The following CEP63 variants were observed in gnomAD, a reference collection of about 807,000 sequenced individuals.
CEP63 encodes centrosomal protein 63.
CEP63 carries 84 observed loss-of-function variants against 89.1 expected under a neutral mutation model. That is an observed-to-expected ratio of 0.94 (90% confidence interval 0.79 to 1.13). The LOEUF is 1.13. Among genes scored for constraint, CEP63 ranks in the 50% most tolerant of loss-of-function variants. The probability of loss-of-function intolerance (pLI) is 0.00; values close to 1 mark genes in which losing one functional copy is unlikely to be tolerated. For missense variants in CEP63, 838 were observed against 813.3 expected (o/e 1.03, Z -0.37); for synonymous variants, 267 against 272.5 (o/e 0.98, Z 0.20).
At chr3:134,774,614 T>C in the CEP63 span, among the ~76,000 whole-genome samples, 1 of 152,186 alleles carries the variant, frequency 6.6e-6, no homozygotes, top group Non-Finnish European at 1.5e-5. Context: ...GCAAAGTAAA[T>C]ATCTCAATCA....
the CEP63 span, chr3:134,651,517 C>T: frequency 1.0e-6 from 1 of 995,398 alleles, no homozygotes; most frequent in Non-Finnish European, 1.2e-6. Flanking sequence ...CAGAGATTGT[C>T]CAAGTTTTGG....
chr3:134,770,719 C>CTA, the CEP63 span, among the ~76,000 whole-genome samples: 1 of 152,142 alleles, frequency 6.6e-6, no homozygotes, highest in African/African-American at 2.4e-5. Flanking sequence ...CTTGATCTCC[C>CTA]TACTCACAGT....
At chr3:134,595,698 C>T in the CEP63 span, among the ~76,000 whole-genome samples, 8 of 152,116 alleles carry the variant, frequency 5.3e-5, no homozygotes, top group African/African-American at 1.7e-4. Flanking sequence ...TCTAGGTGGC[C>T]TTCTCATTCT....
Position 134,561,988 on chromosome 3 carries a change from CTTG to C in CEP63, c.*456_*458del. The C allele has an allele frequency of 9.8e-7, 1 of 1,016,656 alleles. No homozygotes were observed. Among genetic ancestry groups the C allele is most frequent in the Non-Finnish European group, 1.2e-6 (1 of 848,914 alleles). The allele number at this position is 1,016,656 out of a possible 1,614,324, so 63.0% of individuals were successfully genotyped here. On this transcript the variant is annotated 3_prime_UTR_variant, in exon 15 of 15. Coordinates refer to ENST00000675561, the MANE Select transcript of CEP63 (RefSeq NM_001353108.3). Reference sequence around the variant, plus strand: ...TTTTGCCACTTACCAGCCAACGGGGCTTGTTATTTACTGGGCTGGTAGCCCCTC... The same window carrying C: ...TTTTGCCACTTACCAGCCAACGGGGCTTATTTACTGGGCTGGTAGCCCCTC...
At chr3:134,603,411 G>C in the CEP63 span, 1 of 625,396 alleles carries the variant, frequency 1.6e-6, no homozygotes, top group Non-Finnish European at 2.7e-6. Context: ...GAAGCCTTCA[G>C]AACACAAAGA....
the CEP63 span, among the ~76,000 whole-genome samples, chr3:134,758,377 A>G: frequency 1.3e-5 from 2 of 152,210 alleles, no homozygotes; most frequent in Non-Finnish European, 2.9e-5. Context: ...TGCCTGGCAC[A>G]AAGACAGCCC....
the CEP63 span, among the ~76,000 whole-genome samples, chr3:134,753,892 C>CGT: frequency 6.6e-6 from 1 of 152,058 alleles, no homozygotes; most frequent in African/African-American, 2.4e-5. Context: ...GGGACACAAA[C>CGT]GTGTAAGCCA....
the CEP63 span, among the ~76,000 whole-genome samples, chr3:134,680,100 C>G: frequency 2.0e-5 from 3 of 152,156 alleles, no homozygotes; most frequent in African/African-American, 4.8e-5. Flanking sequence ...TGTGAAGACA[C>G]AGGGAGAAGA....
chr3:134,764,811 A>G, the CEP63 span, among the ~76,000 whole-genome samples: 3 of 152,208 alleles, frequency 2.0e-5, no homozygotes, highest in Non-Finnish European at 2.9e-5. Flanking sequence ...TGGAGAATAA[A>G]CTGAGCTTGA....
intron 12 of CEP63, among the ~76,000 whole-genome samples, chr3:134,554,552 A>G (rs1445823159): frequency 3.3e-5 from 5 of 149,744 alleles, no homozygotes; most frequent in African/African-American, 7.4e-5. Context: ...ATACGTGTGC[A>G]TGTGTCTTTA....
At chr3:134,510,893 C>G (rs1361143824) in intron 3 of CEP63, 1 of 204,270 alleles carries the variant, frequency 4.9e-6, no homozygotes, top group African/African-American at 2.4e-5. Flanking sequence ...GCAGGCAGCA[C>G]CCCCCCAAGA....
At chr3:134,774,437 C>A in the CEP63 span, among the ~76,000 whole-genome samples, 1 of 152,032 alleles carries the variant, frequency 6.6e-6, no homozygotes, top group Non-Finnish European at 1.5e-5. Context: ...TAAGGAGAAT[C>A]CTGTAAAATG....
Position 134,561,758 on chromosome 3 carries a change from C to T in CEP63, c.*223C>T. The T allele has an allele frequency of 5.2e-6, 7 of 1,348,422 alleles. No individual in the cohort carries two copies. Among genetic ancestry groups the T allele is most frequent in the Non-Finnish European group, 6.7e-6 (7 of 1,050,706 alleles). The allele number at this position is 1,348,422 out of a possible 1,614,324, so 83.5% of individuals were successfully genotyped here. A position where few individuals can be genotyped will look rare whatever the true frequency, so the allele number is the denominator to read the frequency against. On this transcript the variant is annotated 3_prime_UTR_variant, in exon 15 of 15. Coordinates refer to ENST00000675561, the MANE Select transcript of CEP63 (RefSeq NM_001353108.3). The stretch of plus-strand genomic sequence containing the variant: ...AGCAATAAGTTGAAAGAATAAACCA[C>T]TTTGCTAGACTTTTTTCTCATACGA...
the CEP63 span, among the ~76,000 whole-genome samples, chr3:134,669,879 T>C: frequency 0.011 from 1,601 of 152,354 alleles, 25 homozygotes; most frequent in African/African-American, 0.036. Context: ...AAAATTCATA[T>C]GTTGAAACCT....
intron 2 of CEP63, among the ~76,000 whole-genome samples, chr3:134,505,733 T>A (rs1368543853): frequency 6.6e-6 from 1 of 152,140 alleles, no homozygotes; most frequent in Admixed American, 6.5e-5. Context: ...CAGGAGGGGC[T>A]AGGCTGATCA....
downstream of CEP63, among the ~76,000 whole-genome samples, chr3:134,579,386 T>C (rs1958292606): frequency 6.6e-6 from 1 of 152,240 alleles, no homozygotes; most frequent in Non-Finnish European, 1.5e-5. Context: ...GGCTAAGCTA[T>C]TTTATATTCT....
chr3:134,620,709 C>A, the CEP63 span: 1 of 1,440,212 alleles, frequency 6.9e-7, no homozygotes. Flanking sequence ...GGAATGGAAG[C>A]AAGGGATTCT....
the CEP63 span, among the ~76,000 whole-genome samples, chr3:134,714,957 G>A: frequency 6.6e-6 from 1 of 152,218 alleles, no homozygotes; most frequent in African/African-American, 2.4e-5. Flanking sequence ...AGTGTCATGG[G>A]ACCACAGAGG....
the CEP63 span, among the ~76,000 whole-genome samples, chr3:134,705,792 GT>G: frequency 1.3e-5 from 2 of 152,190 alleles, no homozygotes; most frequent in Non-Finnish European, 2.9e-5. Flanking sequence ...CCTGGAGGCT[GT>G]TGGTGGGACA....
Sources: allele counts gnomAD v4.1 joint callset (sites outside exome capture counted in the v4.1 genomes callset), GRCh38; gene constraint gnomAD v4.1.1; transcripts MANE v1.5; gene names NCBI Gene and HGNC (gene_info 2026-07-23, HGNC 2026-07-21).